Variants in GPR89B observed in about 807,000 individuals in gnomAD.
GPR89B encodes G protein-coupled receptor 89B.
GPR89B carries 25 observed loss-of-function variants against 52.4 expected under a neutral mutation model. The ratio of observed to expected loss-of-function variants is 0.48; its 90% CI spans 0.35 to 0.67. GPR89B has a LOEUF of 0.67. Ranked by LOEUF, GPR89B falls within the 30% of genes least tolerant of loss-of-function variation. GPR89B has a pLI of 0.01. For synonymous variants in GPR89B, 52 were observed against 151.2 expected, an observed-to-expected ratio of 0.34 and a Z score of 4.81; for missense variants, 146 against 450.2, an observed-to-expected ratio of 0.32 and a Z score of 6.11.
the GPR89B span, chr1:148,009,554 A>G: frequency 1.9e-6 from 3 of 1,549,550 alleles, no homozygotes; most frequent in Non-Finnish European, 2.7e-6. Flanking sequence ...GAACTAGTAA[A>G]GTCACTGAAT....
At chr1:147,940,861 G>T (rs1165955287) in intron 3 of GPR89B, among the ~76,000 whole-genome samples, 1 of 148,488 alleles carries the variant, frequency 6.7e-6, no homozygotes, top group South Asian at 2.2e-4. Context: ...TTAATAACCC[G>T]TATAGTAAGA....
At chr1:147,995,729 T>A, downstream of GPR89B, 1 of 1,604,926 alleles carries the variant, frequency 6.2e-7, no homozygotes, top group African/African-American at 1.3e-5. Context: ...ATCATAGGCC[T>A]TCTTTCCACA....
At chr1:148,007,248 T>G in the GPR89B span, among the ~76,000 whole-genome samples, 1 of 150,702 alleles carries the variant, frequency 6.6e-6, no homozygotes, top group Non-Finnish European at 1.5e-5. Flanking sequence ...GCTAATTTTT[T>G]GTATTTTTAG....
chr1:148,009,629 C>G, the GPR89B span: 4 of 1,066,914 alleles, frequency 3.7e-6, no homozygotes, highest in African/African-American at 4.7e-5. Context: ...TTTAATAACC[C>G]TCTGCCAACT....
chr1:147,986,027 G>T (rs1193697107), intron 10 of GPR89B, among the ~76,000 whole-genome samples, 172 bp from the exon 11 acceptor site: 84 of 152,206 alleles, frequency 5.5e-4, no homozygotes, highest in Non-Finnish European at 9.3e-4. Context: ...GCCTATATAT[G>T]AGTATCCGAA....
the GPR89B span, among the ~76,000 whole-genome samples, chr1:148,006,175 G>T: frequency 6.7e-6 from 1 of 150,338 alleles, no homozygotes; most frequent in East Asian, 2.0e-4. Context: ...TAAATGCAAA[G>T]ATGGAATCTT....
chr1:147,982,869 G>A (rs1462352184), intron 10 of GPR89B, among the ~76,000 whole-genome samples: 1 of 152,154 alleles, frequency 6.6e-6, no homozygotes, highest in Non-Finnish European at 1.5e-5. Flanking sequence ...CGCGTCCCTT[G>A]TAAGTTGGAT....
chr1:148,025,299 A>G, the GPR89B span, among the ~76,000 whole-genome samples: 1 of 151,828 alleles, frequency 6.6e-6, no homozygotes, highest in East Asian at 1.9e-4. Context: ...CAATAATAGC[A>G]GCCTTGCTAA....
intron 10 of GPR89B, among the ~76,000 whole-genome samples, chr1:147,979,490 A>G (rs1658079753): frequency 6.6e-6 from 1 of 152,300 alleles, no homozygotes; most frequent in South Asian, 2.1e-4. Flanking sequence ...GATAGCATCC[A>G]GTCTCACCTT....
chr1:147,995,597 C>T (rs1216706024), downstream of GPR89B: 19 of 1,608,756 alleles, frequency 1.2e-5, no homozygotes, highest in African/African-American at 5.4e-5. Flanking sequence ...CCCACTCACC[C>T]GTTCTTTTGC....
intron 3 of GPR89B, among the ~76,000 whole-genome samples, chr1:147,940,299 G>A (rs1364333064): frequency 9.2e-5 from 14 of 151,492 alleles, no homozygotes; most frequent in Middle Eastern, 3.4e-3. Context: ...GCTACTTGGG[G>A]GGCTGAGGCA....
rs1283343305 is a variant in GPR89B at position 147,968,927 on chromosome 1, G to A, written c.780G>A (p.Gln260=). 18 of 1,611,868 alleles carry A rather than the reference G, an allele frequency of 1.1e-5. No individual in the cohort carries two copies. Among genetic ancestry groups the A allele is most frequent in the Admixed American group, 1.7e-5 (1 of 59,834 alleles). The stretch of plus-strand genomic sequence containing the variant: ...ATGCTTTGGAAGAATTAAGCAGGCA[G>A]CTTTTTCTGGAAACAGCTGATCTAT... ...EVDALEELSR[Q]LFLETADLYA... is the part of the protein sequence containing the mutation. The change falls in exon 9 of 14, where the codon CAG becomes CAA. Residue 260 remains glutamine (Q), a synonymous_variant. Transcript: ENST00000314163.
At chr1:147,990,231 T>G (rs1193487769) in intron 12 of GPR89B, among the ~76,000 whole-genome samples, 9 of 152,256 alleles carry the variant, frequency 5.9e-5, no homozygotes, top group Admixed American at 5.9e-4. Context: ...TCAGCATTTT[T>G]CCATGTGTCT....
At chr1:148,013,506 C>T in the GPR89B span, among the ~76,000 whole-genome samples, 1 of 152,112 alleles carries the variant, frequency 6.6e-6, no homozygotes, top group South Asian at 2.1e-4. Flanking sequence ...TGGTCAAACG[C>T]GCAGAGCTCC....
the GPR89B span, among the ~76,000 whole-genome samples, chr1:148,025,624 C>A: frequency 6.7e-4 from 97 of 144,104 alleles, no homozygotes; most frequent in African/African-American, 2.5e-3. Flanking sequence ...ATGTTGAAAG[C>A]TTAACCCCCA....
chr1:147,949,651 G>T (rs1553250531), intron 5 of GPR89B, among the ~76,000 whole-genome samples: 9 of 137,682 alleles, frequency 6.5e-5, no homozygotes, highest in Admixed American at 6.9e-5. Flanking sequence ...TCCCGGATGG[G>T]GCGGCTGGCC....
At chr1:148,015,296 T>TCC in the GPR89B span, among the ~76,000 whole-genome samples, 253 of 79,978 alleles carry the variant, frequency 3.2e-3, 1 homozygote, top group African/African-American at 0.01. Flanking sequence ...TTCTAGGATC[T>TCC]CTCTCTCTCT....
At chr1:148,017,246 A>G in the GPR89B span, among the ~76,000 whole-genome samples, 18 of 151,246 alleles carry the variant, frequency 1.2e-4, no homozygotes, top group South Asian at 2.7e-3. Flanking sequence ...GTTTCACCGT[A>G]TTAGCCAGGA....
At chr1:147,971,300 C>A (rs1345524986) in intron 10 of GPR89B, among the ~76,000 whole-genome samples, 2 of 151,502 alleles carry the variant, frequency 1.3e-5, no homozygotes, top group South Asian at 4.2e-4. Flanking sequence ...CAAGCACGCA[C>A]CGCCACGCCC....
Sources: allele counts gnomAD v4.1 joint callset (sites outside exome capture counted in the v4.1 genomes callset), GRCh38; gene constraint gnomAD v4.1.1; transcripts MANE v1.5; gene names NCBI Gene and HGNC (gene_info 2026-07-23, HGNC 2026-07-21).